The following PRICKLE2 variants were observed in gnomAD, a reference collection of about 807,000 sequenced individuals.
PRICKLE2 encodes the protein prickle planar cell polarity protein 2.
Under a neutral mutation model 81.4 loss-of-function variants are expected in PRICKLE2, and 21 were observed. The observed-to-expected ratio is 0.26, with a 90% confidence interval of 0.18 to 0.37. The LOEUF (loss-of-function observed/expected upper bound fraction) is 0.37, where lower values mean the gene tolerates loss of function less well. Ranked by LOEUF, PRICKLE2 falls within the 10% of genes least tolerant of loss-of-function variation. PRICKLE2 has a pLI of 1.00. For synonymous variants in PRICKLE2, 456 were observed against 421.5 expected, an observed-to-expected ratio of 1.08 and a Z score of -1.00; for missense variants, 940 against 1,109.0, an observed-to-expected ratio of 0.85 and a Z score of 2.16.
chr3:64,142,699 G>A (rs577224623), intron 7 of PRICKLE2, among the ~76,000 whole-genome samples: 20 of 152,274 alleles, frequency 1.3e-4, no homozygotes, highest in Admixed American at 1.2e-3. Context: ...GTCAAAACTT[G>A]AATCAGTGTG....
At chr3:64,118,150 A>C (rs2076967967) in intron 7 of PRICKLE2, among the ~76,000 whole-genome samples, 1 of 152,202 alleles carries the variant, frequency 6.6e-6, no homozygotes, top group Admixed American at 6.5e-5. Context: ...GGCTAGCCAT[A>C]TGCTGAAAAT....
At chr3:64,125,682 G>T (rs830004) in intron 7 of PRICKLE2, among the ~76,000 whole-genome samples, 1 of 151,978 alleles carries the variant, frequency 6.6e-6, no homozygotes, top group Non-Finnish European at 1.5e-5. Flanking sequence ...GAATAGTATC[G>T]CACACTTAAT....
chr3:64,218,050 G>A (rs1402091347), intron 1 of PRICKLE2, among the ~76,000 whole-genome samples: 2 of 152,156 alleles, frequency 1.3e-5, no homozygotes, highest in African/African-American at 4.8e-5. Flanking sequence ...TATTAAGGCA[G>A]AAAAAGTATC....
rs189380715 is a variant in PRICKLE2, at chr3:64,155,812, G to C, written c.600+1350C>G. 1.2e-4 allele frequency among the ~76,000 whole-genome samples: 18 copies of C among 152,244 alleles called. 1 individual carries two copies. The highest frequency in any genetic ancestry group is 1.1e-3 in the Admixed American group (17 of 15,288). ...TGATTTCACTTATATGAAATGTCCA[G>C]AACATGTAAATCCACAGAGACAGAA... On this transcript the variant is annotated intron_variant, in intron 5 of 7. Transcript: ENST00000638394.
chr3:64,133,750 A>G (rs1575575171), intron 7 of PRICKLE2, among the ~76,000 whole-genome samples: 2 of 152,280 alleles, frequency 1.3e-5, no homozygotes, highest in African/African-American at 4.8e-5. Flanking sequence ...AAGGCTGTAA[A>G]TCAGATTCAA....
At chr3:64,261,618 A>C (rs1236631944) in intron 2 of PRICKLE2, among the ~76,000 whole-genome samples, 1 of 152,116 alleles carries the variant, frequency 6.6e-6, no homozygotes, top group South Asian at 2.1e-4. Flanking sequence ...TAAGATCTCA[A>C]TGGTGAGAAG....
chr3:64,187,468 C>G (rs2078256482), intron 2 of PRICKLE2: 1 of 152,236 alleles, frequency 6.6e-6, no homozygotes, highest in African/African-American at 2.4e-5. Context: ...TGAAGGCTAA[C>G]TAGGAGATGC....
intron 7 of PRICKLE2, among the ~76,000 whole-genome samples, chr3:64,110,151 T>C (rs1227805713): frequency 1.3e-5 from 2 of 152,362 alleles, no homozygotes; most frequent in African/African-American, 4.8e-5. Flanking sequence ...ATTGAAAGGA[T>C]ACACAACAAA....
intron 2 of PRICKLE2, among the ~76,000 whole-genome samples, chr3:64,255,007 A>G (rs539391750): frequency 1.0e-3 from 156 of 152,332 alleles, no homozygotes; most frequent in African/African-American, 3.4e-3. Flanking sequence ...TCTCCCTAAC[A>G]GCTAGATATA....
At position 64,153,306 on chromosome 3, in the gene PRICKLE2, G is replaced by A; in HGVS notation, c.663C>T (p.Cys221=). 1.2e-6 allele frequency: 2 copies of A among 1,614,182 alleles called. No individual in the cohort carries two copies. The highest frequency in any genetic ancestry group is 1.7e-6 in the Non-Finnish European group (2 of 1,180,026). ...EGRHWHMKHF[C]CFECETVLGG... Reference sequence around the variant, plus strand: ...CCAGCACTGTCTCACACTCGAAGCAGCAAAAGTGTTTCATGTGCCAGTGTC... The same window carrying A: ...CCAGCACTGTCTCACACTCGAAGCAACAAAAGTGTTTCATGTGCCAGTGTC... Residue 221 remains cysteine (C), a synonymous_variant, in exon 6 of 8, where the codon TGC becomes TGT. Coordinates refer to ENST00000638394, the MANE Select transcript of PRICKLE2 (RefSeq NM_198859.4).
At chr3:64,245,307 G>T (rs2079331029) in intron 2 of PRICKLE2, among the ~76,000 whole-genome samples, 1 of 152,084 alleles carries the variant, frequency 6.6e-6, no homozygotes, top group South Asian at 2.1e-4. Flanking sequence ...ATCTCTGCAA[G>T]AATTATGGGG....
intron 2 of PRICKLE2, among the ~76,000 whole-genome samples, chr3:64,253,202 T>C (rs2079475108): frequency 1.3e-5 from 2 of 152,342 alleles, no homozygotes; most frequent in African/African-American, 2.4e-5. Flanking sequence ...CTCATTTCAT[T>C]CTCAGGGCAA....
intron 2 of PRICKLE2, among the ~76,000 whole-genome samples, chr3:64,254,963 T>A (rs973447396): frequency 6.6e-6 from 1 of 152,208 alleles, no homozygotes; most frequent in Non-Finnish European, 1.5e-5. Context: ...TCACCTGAGA[T>A]AAATGTTTCA....
chr3:64,202,228 T>C (rs2078596292), intron 1 of PRICKLE2, among the ~76,000 whole-genome samples: 1 of 152,216 alleles, frequency 6.6e-6, no homozygotes, highest in Non-Finnish European at 1.5e-5. Context: ...CTTCATCCCT[T>C]GCATTTGCAT....
At position 64,099,792 on chromosome 3, in the gene PRICKLE2, C is replaced by T. The variant is rs2076625916; in HGVS notation, c.1794G>A (p.Gln598=). The T allele has an allele frequency of 3.1e-6, 5 of 1,614,234 alleles. No individual in the cohort carries two copies. The highest frequency in any genetic ancestry group is 4.2e-6 in the Non-Finnish European group (5 of 1,180,040). Residue 598 remains glutamine, a synonymous_variant, in exon 8 of 8, where the codon CAG becomes CAA. Transcript: ENST00000638394. This position sits in a 1 kb window ranked among gnomAD's most constrained non-coding sequence, Gnocchi z 4.3. ...TGCGAACTGACTCTGCGCTCCGGAACTGCATGGACGAGTTAAGAGTGCCCA... is the reference window on the plus strand; with the variant it reads ...TGCGAACTGACTCTGCGCTCCGGAATTGCATGGACGAGTTAAGAGTGCCCA... ...SNMGTLNSSM[Q]FRSAESVRSL... is the part of the protein sequence containing the mutation.
At chr3:64,227,931 G>C (rs1446201929), upstream of PRICKLE2, among the ~76,000 whole-genome samples, 1 of 152,144 alleles carries the variant, frequency 6.6e-6, no homozygotes, top group East Asian at 1.9e-4. Context: ...TTTATTCCTA[G>C]AGCATATCTC....
At chr3:64,261,046 A>G in intron 2 of PRICKLE2, among the ~76,000 whole-genome samples, 1 of 152,184 alleles carries the variant, frequency 6.6e-6, no homozygotes, top group East Asian at 1.9e-4. Flanking sequence ...AAAGGTGATG[A>G]GACACTCATG....
chr3:64,157,898 C>T (rs1040247404), intron 4 of PRICKLE2, among the ~76,000 whole-genome samples: 1 of 152,206 alleles, frequency 6.6e-6, no homozygotes, highest in African/African-American at 2.4e-5. Flanking sequence ...TTTTAGTCTG[C>T]TTCCTCTAAC....
chr3:64,122,316 T>C (rs62249908), intron 7 of PRICKLE2, among the ~76,000 whole-genome samples: 24,420 of 152,164 alleles, frequency 0.16, 2,338 homozygotes, highest in Non-Finnish European at 0.22. Context: ...GCCCACCCTT[T>C]GCCCCCAAAA....
Sources: allele counts gnomAD v4.1 joint callset (sites outside exome capture counted in the v4.1 genomes callset), GRCh38; gene constraint gnomAD v4.1.1; non-coding constraint Gnocchi (gnomAD v3.1); transcripts MANE v1.5; gene names NCBI Gene and HGNC (gene_info 2026-07-23, HGNC 2026-07-21).